CFAP54: variants seen among roughly 807,000 people sequenced by gnomAD.
CFAP54 encodes the protein cilia and flagella associated protein 54.
Under a neutral mutation model 370.4 loss-of-function variants are expected in CFAP54, and 290 were observed. The ratio of observed to expected loss-of-function variants is 0.78; its 90% CI spans 0.71 to 0.86. CFAP54 has a LOEUF of 0.86. CFAP54 is among the 40% of genes least tolerant of loss of function. The pLI is 0.00. For missense variants in CFAP54, 3,399 were observed against 3,528.7 expected (o/e 0.96, Z 0.93); for synonymous variants, 1,206 against 1,236.5 (o/e 0.98, Z 0.52).
At chr12:96,835,509 T>C (rs1410469789) in intron 66 of CFAP54, among the ~76,000 whole-genome samples, 1 of 152,102 alleles carries the variant, frequency 6.6e-6, no homozygotes, top group Non-Finnish European at 1.5e-5. Context: ...ACCTGCCCCC[T>C]TCTGCCCAGG....
At chr12:96,679,833 T>G (rs774811076) in intron 40 of CFAP54, 81 bp downstream of exon 40, 299 of 1,399,530 alleles carry the variant, frequency 2.1e-4, no homozygotes, top group Non-Finnish European at 2.9e-4. Flanking sequence ...TGCCCTCTCA[T>G]TCTTCCCTCC....
intron 26 of CFAP54, among the ~76,000 whole-genome samples, chr12:96,601,339 G>C (rs112310680): frequency 6.6e-6 from 1 of 152,186 alleles, no homozygotes; most frequent in Non-Finnish European, 1.5e-5. Context: ...TTTTTGATGT[G>C]CTGCTGGATT....
chr12:96,497,748 G>A (rs550993001), intron 1 of CFAP54, among the ~76,000 whole-genome samples: 4 of 152,210 alleles, frequency 2.6e-5, no homozygotes, highest in Non-Finnish European at 5.9e-5. Flanking sequence ...ACATGAAAAC[G>A]TTGAGGATAG....
chr12:96,639,222 C>T (rs913458436), intron 32 of CFAP54, among the ~76,000 whole-genome samples: 37 of 152,010 alleles, frequency 2.4e-4, no homozygotes, highest in South Asian at 2.3e-3. Flanking sequence ...ATCAAATGGA[C>T]GCAATAAAAA....
At chr12:96,754,878 G>C (rs1421685977) in intron 56 of CFAP54, among the ~76,000 whole-genome samples, 1 of 151,932 alleles carries the variant, frequency 6.6e-6, no homozygotes, top group Non-Finnish European at 1.5e-5. Context: ...TGAGTAACTG[G>C]GACCATAGGC....
At chr12:96,520,806 A>G (rs1955300829) in intron 6 of CFAP54, among the ~76,000 whole-genome samples, 1 of 152,236 alleles carries the variant, frequency 6.6e-6, no homozygotes, top group African/African-American at 2.4e-5. Context: ...GGCTGTGCAC[A>G]TGCCTATTCA....
chr12:96,648,155 G>A, intron 34 of CFAP54, 138 bp downstream of exon 34: 1 of 560,890 alleles, frequency 1.8e-6, no homozygotes, highest in Non-Finnish European at 2.7e-6. Flanking sequence ...GTTGAGTTTT[G>A]ATATTTTGTA....
chr12:96,749,392 T>G (rs1417909654), intron 55 of CFAP54, among the ~76,000 whole-genome samples: 1 of 152,232 alleles, frequency 6.6e-6, no homozygotes, highest in African/African-American at 2.4e-5. Flanking sequence ...TAACATCATG[T>G]GGGGGTTACA....
At chr12:96,798,610 G>A (rs1958789802) in intron 63 of CFAP54, among the ~76,000 whole-genome samples, 1 of 152,050 alleles carries the variant, frequency 6.6e-6, no homozygotes, top group African/African-American at 2.4e-5. Context: ...AACTGCCTAG[G>A]TTTGAATCTC....
At chr12:96,609,416 T>C (rs928737393) in intron 26 of CFAP54, among the ~76,000 whole-genome samples, 8 of 152,176 alleles carry the variant, frequency 5.3e-5, no homozygotes, top group African/African-American at 1.9e-4. Flanking sequence ...TCTAATAAAT[T>C]AGGAAAGGAA....
intron 40 of CFAP54, 56 bp downstream of exon 40, chr12:96,679,808 C>A: frequency 4.5e-6 from 7 of 1,547,150 alleles, no homozygotes; most frequent in Non-Finnish European, 6.2e-6. Flanking sequence ...GACCACCCTG[C>A]AGATGTCCCT....
At chr12:96,827,839 T>C (rs35894490) in intron 65 of CFAP54, among the ~76,000 whole-genome samples, 28,574 of 90,034 alleles carry the variant, frequency 0.32, 6,842 homozygotes, top group East Asian at 0.46. Context: ...TTATATATAA[T>C]ATATAATTAT....
At chr12:96,512,764 T>C (rs1325466243) in intron 4 of CFAP54, among the ~76,000 whole-genome samples, 3 of 152,236 alleles carry the variant, frequency 2.0e-5, no homozygotes, top group East Asian at 3.8e-4. Flanking sequence ...ACTAGAAGAT[T>C]CCTGTGTCAA....
At chr12:96,515,911 TG>T (rs1444009434) in intron 5 of CFAP54, among the ~76,000 whole-genome samples, 4 of 114,726 alleles carry the variant, frequency 3.5e-5, no homozygotes, top group African/African-American at 3.7e-5. Flanking sequence ...ATTACCTCTA[TG>T]TTTTTTTTTT....
chr12:96,829,905 T>C (rs1231994325), intron 66 of CFAP54, among the ~76,000 whole-genome samples: 1 of 152,094 alleles, frequency 6.6e-6, no homozygotes. Flanking sequence ...CAGCTCCTGG[T>C]AACCTCTATT....
Position 96,615,528 on chromosome 12 carries a change from A to G in CFAP54, c.3640-6062A>G, listed in dbSNP as rs545305093. 2.0e-5 allele frequency among the ~76,000 whole-genome samples: 3 copies of G among 152,330 alleles called. No individual in the cohort carries two copies. The South Asian group carries it at 6.2e-4, about 32-fold the overall frequency. ...TTGACAAATGGGATCTAATTAAACT[A>G]AAGAGCTTCTGCACAGCAAAAGAAA... On this transcript the variant is annotated intron_variant, in intron 26 of 67. Coordinates refer to ENST00000524981, the MANE Select transcript of CFAP54 (RefSeq NM_001306084.2).
intron 25 of CFAP54, 138 bp from the exon 26 acceptor site, chr12:96,598,507 C>T (rs549299650): frequency 7.0e-6 from 3 of 427,008 alleles, no homozygotes; most frequent in South Asian, 7.0e-5. Flanking sequence ...TCCTTTATTC[C>T]TAATAAACAA....
At chr12:96,521,214 A>C (rs773752727) in intron 6 of CFAP54, among the ~76,000 whole-genome samples, 3 of 152,182 alleles carry the variant, frequency 2.0e-5, no homozygotes, top group Non-Finnish European at 2.9e-5. Context: ...TATTTCAAAG[A>C]GTTGGTGAAA....
At chr12:96,832,885 C>T (rs1191513524) in intron 66 of CFAP54, among the ~76,000 whole-genome samples, 1 of 152,150 alleles carries the variant, frequency 6.6e-6, no homozygotes, top group Non-Finnish European at 1.5e-5. Flanking sequence ...AAATAAGACT[C>T]ACCAACAGTA....
Sources: allele counts gnomAD v4.1 joint callset (sites outside exome capture counted in the v4.1 genomes callset), GRCh38; gene constraint gnomAD v4.1.1; transcripts MANE v1.5; gene names NCBI Gene and HGNC (gene_info 2026-07-23, HGNC 2026-07-21).